Variants in STK32B observed in about 807,000 individuals in gnomAD.
STK32B encodes the protein serine/threonine-protein kinase 32B.
In STK32B, 43 loss-of-function variants were observed where a neutral mutation model predicts 52.6. That is an observed-to-expected ratio of 0.82 (90% CI 0.64 to 1.05). The LOEUF (loss-of-function observed/expected upper bound fraction) is 1.05. Ranked by LOEUF, STK32B falls within the 50% of genes least tolerant of loss-of-function variation. STK32B has a pLI of 0.00. For missense variants in STK32B, 621 were observed against 534.6 expected (o/e 1.16, Z -1.59); for synonymous variants, 238 against 204.3 (o/e 1.17, Z -1.41).
At chr4:5,126,635 A>T (rs573231477) in intron 1 of STK32B, among the ~76,000 whole-genome samples, 40 of 152,364 alleles carry the variant, frequency 2.6e-4, no homozygotes, top group African/African-American at 9.6e-4. Context: ...ATTCTGGTAG[A>T]GTAGAATCAG....
chr4:5,465,577 C>T (rs573006900), intron 9 of STK32B, among the ~76,000 whole-genome samples: 1 of 152,244 alleles, frequency 6.6e-6, no homozygotes, highest in South Asian at 2.1e-4. Flanking sequence ...AGTTGTGGAA[C>T]GGCCACCATG....
At chr4:5,479,276 C>T (rs1446556418) in intron 11 of STK32B, among the ~76,000 whole-genome samples, 1 of 151,780 alleles carries the variant, frequency 6.6e-6, no homozygotes, top group Non-Finnish European at 1.5e-5. Context: ...CCCACCACCA[C>T]GCCCAGCTAA....
intron 4 of STK32B, among the ~76,000 whole-genome samples, chr4:5,348,407 C>G (rs1453635023): frequency 2.0e-5 from 3 of 152,164 alleles, no homozygotes; most frequent in Non-Finnish European, 4.4e-5. Flanking sequence ...GCCCAACACC[C>G]CTTGCGCTTT....
chr4:5,297,504 C>T (rs982853040), intron 3 of STK32B, among the ~76,000 whole-genome samples: 5 of 151,912 alleles, frequency 3.3e-5, no homozygotes, highest in African/African-American at 1.2e-4. Flanking sequence ...ATCTTGTCTT[C>T]ACGCTTTATT....
chr4:5,203,069 C>T (rs1312730039), intron 3 of STK32B, among the ~76,000 whole-genome samples: 4 of 152,162 alleles, frequency 2.6e-5, no homozygotes, highest in Admixed American at 1.3e-4. Flanking sequence ...GCTTTGTGAT[C>T]TTGGGCAAGT....
At chr4:5,331,177 G>T in intron 3 of STK32B, 43 bp from the exon 4 acceptor site, 1 of 1,557,972 alleles carries the variant, frequency 6.4e-7, no homozygotes. Flanking sequence ...GGGTGCTGAA[G>T]GTGCCTCCAC....
At chr4:5,232,962 T>C (rs1347864885) in intron 3 of STK32B, among the ~76,000 whole-genome samples, 2 of 152,178 alleles carry the variant, frequency 1.3e-5, no homozygotes, top group Admixed American at 6.5e-5. Context: ...TCCACACAGC[T>C]CCCTTTGTCC....
At chr4:5,454,550 A>G (rs1716328522) in intron 7 of STK32B, among the ~76,000 whole-genome samples, 1 of 152,100 alleles carries the variant, frequency 6.6e-6, no homozygotes, top group South Asian at 2.1e-4. Context: ...CTATGTCCAA[A>G]TAAGGTCACA....
chr4:5,237,660 C>T (rs906129642), intron 3 of STK32B, among the ~76,000 whole-genome samples: 2 of 152,172 alleles, frequency 1.3e-5, no homozygotes, highest in African/African-American at 4.8e-5. Flanking sequence ...GAGAATGGAT[C>T]ATTGCAAGGT....
At chr4:5,223,238 C>G (rs969885361) in intron 3 of STK32B, among the ~76,000 whole-genome samples, 4 of 152,148 alleles carry the variant, frequency 2.6e-5, no homozygotes, top group African/African-American at 9.7e-5. Flanking sequence ...CTTTTTCCAC[C>G]TAGATTTCAA....
intron 11 of STK32B, among the ~76,000 whole-genome samples, chr4:5,488,220 C>T (rs1002274341): frequency 2.6e-5 from 4 of 152,142 alleles, no homozygotes; most frequent in African/African-American, 7.2e-5. Flanking sequence ...ATCACTTGAA[C>T]CCGGGAGGCA....
At chr4:5,294,304 G>GT (rs199897233) in intron 3 of STK32B, among the ~76,000 whole-genome samples, 9 of 151,892 alleles carry the variant, frequency 5.9e-5, no homozygotes, top group African/African-American at 2.2e-4. Context: ...ATTTAAAGTA[G>GT]TTTTTTTTCT....
At chr4:5,234,217 A>G (rs1418912201) in intron 3 of STK32B, among the ~76,000 whole-genome samples, 1 of 152,194 alleles carries the variant, frequency 6.6e-6, no homozygotes, top group African/African-American at 2.4e-5. Context: ...CAACTCTGCT[A>G]CTAACTAGCT....
chr4:5,244,940 C>G (rs1201071686), intron 3 of STK32B, among the ~76,000 whole-genome samples: 14 of 152,242 alleles, frequency 9.2e-5, no homozygotes, highest in Non-Finnish European at 1.3e-4. Flanking sequence ...TGGTCTGAGA[C>G]ACAGTTTGTT....
At chr4:5,110,061 C>T (rs1323428691) in intron 1 of STK32B, among the ~76,000 whole-genome samples, 10 of 150,674 alleles carry the variant, frequency 6.6e-5, no homozygotes, top group Admixed American at 1.3e-4. Context: ...TGAAAGAGCT[C>T]TATAAGGAGA....
intron 5 of STK32B, among the ~76,000 whole-genome samples, chr4:5,412,695 G>C (rs547695188): frequency 2.4e-4 from 36 of 152,256 alleles, no homozygotes; most frequent in Middle Eastern, 3.4e-3. Flanking sequence ...CCTCTCAGTA[G>C]CACTTGAAGG....
chr4:5,256,568 C>A (rs75082899), intron 3 of STK32B, among the ~76,000 whole-genome samples: 10 of 152,146 alleles, frequency 6.6e-5, no homozygotes, highest in African/African-American at 2.4e-4. Context: ...CTCTCTGAAC[C>A]GTCAGCCAGG....
chr4:5,057,126 A>G (rs1161067759), intron 1 of STK32B, among the ~76,000 whole-genome samples: 2 of 152,340 alleles, frequency 1.3e-5, no homozygotes, highest in East Asian at 3.9e-4. Flanking sequence ...CATTTGTTGA[A>G]TGGAAGATGA....
intron 8 of STK32B, among the ~76,000 whole-genome samples, chr4:5,457,478 G>A (rs1312201878): frequency 6.6e-6 from 1 of 151,098 alleles, no homozygotes; most frequent in Non-Finnish European, 1.5e-5. Flanking sequence ...GCCTCCCAAA[G>A]TGCTGGGATT....
Sources: gnomAD v4.1 joint callset for allele counts (sites outside exome capture counted in the v4.1 genomes callset) on GRCh38, gnomAD v4.1.1 for gene constraint, MANE v1.5 for transcripts, NCBI Gene and HGNC (gene_info 2026-07-23, HGNC 2026-07-21) for gene names.